Variants in RASA3 observed in about 807,000 individuals in gnomAD.
RASA3 encodes RAS p21 protein activator 3.
RASA3 carries 73 observed loss-of-function variants against 110.0 expected under a neutral mutation model. The ratio of observed to expected loss-of-function variants is 0.66; its 90% CI spans 0.55 to 0.81. The LOEUF (loss-of-function observed/expected upper bound fraction) is 0.81. RASA3 is among the 30% of genes least tolerant of loss of function. RASA3 has a pLI of 0.00. For missense variants in RASA3, 976 were observed against 1,113.2 expected, an observed-to-expected ratio of 0.88 and a Z score of 1.75; for synonymous variants, 500 against 451.4, an observed-to-expected ratio of 1.11 and a Z score of -1.37.
rs2079940792 is a variant in RASA3 at position 114,096,127 on chromosome 13, TCTGGGTGGC to T, written c.56-22299_56-22291del. Reference sequence around the variant, plus strand: ...TCGGTGTGCTGGGAAGGGGGTGCTCTCTGGGTGGCCTGGGTGGCATCGGTGTGCCGGAAA... The same window carrying T: ...TCGGTGTGCTGGGAAGGGGGTGCTCTCTGGGTGGCATCGGTGTGCCGGAAA... On this transcript the variant is annotated intron_variant, in intron 1 of 23. Transcript: ENST00000334062. This position sits in a 1 kb window ranked among gnomAD's most constrained non-coding sequence, Gnocchi z 5.1. 1.3e-5 allele frequency among the ~76,000 whole-genome samples: 2 copies of T among 149,044 alleles called. No individual in the cohort carries two copies. Among genetic ancestry groups the T allele is most frequent in the African/African-American group, 5.0e-5 (2 of 40,226 alleles).
intron 18 of RASA3, among the ~76,000 whole-genome samples, chr13:114,004,584 C>G (rs1594303992): frequency 6.6e-6 from 1 of 152,142 alleles, no homozygotes; most frequent in East Asian, 1.9e-4. Context: ...ATGGAGCCGC[C>G]TGAACCCAGC....
At chr13:114,061,868 G>A (rs61973907) in intron 2 of RASA3, among the ~76,000 whole-genome samples, 20,624 of 152,122 alleles carry the variant, frequency 0.14, 1,792 homozygotes, top group Middle Eastern at 0.21. Flanking sequence ...TGCTTGCGGT[G>A]GTAACTCCAT....
Position 114,014,348 on chromosome 13 carries a change from T to C in RASA3, c.1405+861A>G, listed in dbSNP as rs920552268. ...TTGGGAACTGCCTCCCCCAGAACCC[T>C]GGGCCCCTCGGCCGGCGCTGTCTGA... On this transcript the variant is annotated intron_variant, in intron 14 of 23. Coordinates refer to ENST00000334062, the MANE Select transcript of RASA3 (RefSeq NM_007368.4). This position sits in a 1 kb window ranked among gnomAD's most constrained non-coding sequence, Gnocchi z 4.5. Among the ~76,000 whole-genome samples, 2 of 152,182 alleles carry C rather than the reference T, an allele frequency of 1.3e-5. No individual in the cohort carries two copies. The highest frequency in any genetic ancestry group is 2.9e-5 in the Non-Finnish European group (2 of 68,026).
chr13:114,124,727 G>A (rs909377096), intron 1 of RASA3, among the ~76,000 whole-genome samples: 6 of 152,232 alleles, frequency 3.9e-5, no homozygotes, highest in African/African-American at 1.4e-4. Flanking sequence ...TGACGGAGCC[G>A]CTCCTTCACC....
At chr13:114,117,669 AT>A (rs2080307057) in intron 1 of RASA3, among the ~76,000 whole-genome samples, 2 of 27,530 alleles carry the variant, frequency 7.3e-5, no homozygotes, top group East Asian at 1.1e-3. Flanking sequence ...TGTGTGAGGG[AT>A]GCACGTGTGT....
rs369336425 is a variant in RASA3, at chr13:114,000,810, C to G, written c.1849+16G>C. The G allele has an allele frequency of 6.4e-7, 1 of 1,568,434 alleles. No individual in the cohort carries two copies. The stretch of plus-strand genomic sequence containing the variant: ...ACGCTCCAGCAAGAGCCAGGGAAAG[C>G]GACCTTGCTCCTTACCTTTGCTTTT... On this transcript the variant is annotated intron_variant, in intron 19 of 23. Transcript: ENST00000334062.
In RASA3 at chr13:114,026,988, G is replaced by A. The variant is rs142371216; in HGVS notation, c.603+401C>T. On this transcript the variant is annotated intron_variant, in intron 7 of 23. Coordinates refer to ENST00000334062, the MANE Select transcript of RASA3 (RefSeq NM_007368.4). ...CTATTTCCACTGGAACAAGCCTTCC[G>A]CCTCTCAGGGATGCTTGGGCAGAGC... is the stretch of plus-strand genomic sequence containing the variant. Among the ~76,000 whole-genome samples the A allele has an allele frequency of 4.5e-3, 692 of 152,300 alleles. 4 individuals are homozygous for A. The highest frequency in any genetic ancestry group is 0.016 in the African/African-American group (644 of 41,548).
At chr13:113,982,717 G>T (rs982625631) in intron 22 of RASA3, among the ~76,000 whole-genome samples, 2 of 152,260 alleles carry the variant, frequency 1.3e-5, no homozygotes, top group Non-Finnish European at 2.9e-5. Context: ...AACTCTCAAG[G>T]GATGGCATCA....
At chr13:114,068,915 GAC>G (rs994392239) in intron 2 of RASA3, among the ~76,000 whole-genome samples, 1 of 152,196 alleles carries the variant, frequency 6.6e-6, no homozygotes, top group Non-Finnish European at 1.5e-5. Flanking sequence ...TTAAACCTGT[GAC>G]AGACACTGCC....
At chr13:113,999,033 G>A (rs981508167) in intron 20 of RASA3, among the ~76,000 whole-genome samples, 1 of 120,514 alleles carries the variant, frequency 8.3e-6, no homozygotes, top group African/African-American at 3.4e-5. Context: ...AAGGGAGAAG[G>A]AACAAGTGTG....
chr13:114,053,784 A>C (rs1176861589), intron 2 of RASA3, among the ~76,000 whole-genome samples: 3 of 152,394 alleles, frequency 2.0e-5, no homozygotes, highest in South Asian at 4.1e-4. Flanking sequence ...ATCAAACTTC[A>C]TCAAAATTAA....
intron 1 of RASA3, among the ~76,000 whole-genome samples, chr13:114,098,628 G>A (rs1594451213): frequency 6.6e-6 from 1 of 152,114 alleles, no homozygotes; most frequent in East Asian, 1.9e-4. Context: ...CCCATGGCCG[G>A]GATGAGGGGA....
In RASA3 at chr13:114,011,008, G is replaced by A. The variant is rs997733172; in HGVS notation, c.1590+163C>T. ...GGAGGGGAGAGGTGAGCGGGACGGG[G>A]ACGCTCAGGTCCTGGGTTTCAAGAG... On this transcript the variant is annotated intron_variant, in intron 16 of 23. Coordinates refer to ENST00000334062, the MANE Select transcript of RASA3 (RefSeq NM_007368.4). The surrounding 1 kb of genome is among the most constrained non-coding windows in gnomAD (Gnocchi z 4.8). Among the ~76,000 whole-genome samples the A allele has an allele frequency of 6.6e-6, 1 of 152,160 alleles. No individual in the cohort carries two copies. Among genetic ancestry groups the A allele is most frequent in the African/African-American group, 2.4e-5 (1 of 41,426 alleles).
chr13:114,089,003 C>A (rs933408160), intron 1 of RASA3, among the ~76,000 whole-genome samples: 1 of 152,062 alleles, frequency 6.6e-6, no homozygotes, highest in South Asian at 2.1e-4. Flanking sequence ...ACCAGCACAG[C>A]GGTGCAGGGA....
intron 2 of RASA3, among the ~76,000 whole-genome samples, chr13:114,062,892 C>T (rs1165624556): frequency 1.3e-5 from 2 of 152,226 alleles, no homozygotes; most frequent in Admixed American, 6.5e-5. Flanking sequence ...TGCCAACCAA[C>T]AGGCCACGCA....
chr13:114,014,340 C>A lies in RASA3; in HGVS notation c.1405+869G>T, dbSNP rs2053741954. On this transcript the variant is annotated intron_variant, in intron 14 of 23. Transcript: ENST00000334062. The surrounding 1 kb of genome is among the most constrained non-coding windows in gnomAD (Gnocchi z 4.5). The stretch of plus-strand genomic sequence containing the variant: ...GGATGTGCTTGGGAACTGCCTCCCC[C>A]AGAACCCTGGGCCCCTCGGCCGGCG... Among the ~76,000 whole-genome samples the A allele has an allele frequency of 6.6e-6, 1 of 152,240 alleles. No homozygotes were observed. The highest frequency in any genetic ancestry group is 2.1e-4 in the South Asian group (1 of 4,836).
At position 113,978,991 on chromosome 13, in the gene RASA3, T is replaced by G. The variant is rs1594265109; in HGVS notation, c.*356A>C. The G allele has an allele frequency of 2.3e-5, 7 of 310,278 alleles. No individual in the cohort carries two copies. The highest frequency in any genetic ancestry group is 1.6e-4 in the South Asian group (4 of 25,374). The allele number at this position is 310,278 out of a possible 1,614,324, so 19.2% of individuals were successfully genotyped here. On this transcript the variant is annotated 3_prime_UTR_variant, in exon 24 of 24. Coordinates refer to ENST00000334062, the MANE Select transcript of RASA3 (RefSeq NM_007368.4). Reference sequence around the variant, plus strand: ...AGACTGACGCACACACGGCCGGAGGTGCATGTCACAGTCGACTAGACGGGC... The same window carrying G: ...AGACTGACGCACACACGGCCGGAGGGGCATGTCACAGTCGACTAGACGGGC...
rs564853289 is a variant in RASA3 at position 114,065,958 on chromosome 13, G to A, written c.173+7762C>T. On this transcript the variant is annotated intron_variant, in intron 2 of 23. Transcript: ENST00000334062. This position sits in a 1 kb window ranked among gnomAD's most constrained non-coding sequence, Gnocchi z 4.1. The stretch of plus-strand genomic sequence containing the variant: ...CTGGGCTGAGACTCACAGCTGCAGC[G>A]GCCGTGGTGAGCCACCTCACCTCCC... 4.3e-4 allele frequency among the ~76,000 whole-genome samples: 65 copies of A among 152,260 alleles called. No homozygotes were observed. Among genetic ancestry groups the A allele is most frequent in the African/African-American group, 1.4e-3 (59 of 41,550 alleles).
intron 3 of RASA3, among the ~76,000 whole-genome samples, chr13:114,046,629 G>A (rs1220009959): frequency 6.6e-6 from 1 of 152,212 alleles, no homozygotes; most frequent in African/African-American, 2.4e-5. Context: ...AGGTGACATG[G>A]TACACTGGCA....
Sources: gnomAD v4.1 joint callset for allele counts (sites outside exome capture counted in the v4.1 genomes callset) on GRCh38, gnomAD v4.1.1 for gene constraint, Gnocchi (gnomAD v3.1) non-coding constraint, MANE v1.5 for transcripts, NCBI Gene and HGNC (gene_info 2026-07-23, HGNC 2026-07-21) for gene names.